The following LARGE1 variants were observed in gnomAD, a reference collection of about 807,000 sequenced individuals.
LARGE1 encodes the protein LARGE xylosyl- and glucuronyltransferase 1, also known as xylosyl- and glucuronyltransferase LARGE1.
In LARGE1, 43 loss-of-function variants were observed where a neutral mutation model predicts 87.6. That is an observed-to-expected ratio of 0.49 (90% CI 0.38 to 0.63). The LOEUF (loss-of-function observed/expected upper bound fraction) is 0.63, where lower values mean the gene tolerates loss of function less well. Ranked by LOEUF, LARGE1 falls within the 30% of genes least tolerant of loss-of-function variation. The pLI, the probability that LARGE1 is intolerant of heterozygous loss-of-function variation, is 0.00. For synonymous variants in LARGE1, 434 were observed against 394.6 expected, an observed-to-expected ratio of 1.10 and a Z score of -1.18; for missense variants, 802 against 1,000.2, an observed-to-expected ratio of 0.80 and a Z score of 2.67.
chr22:33,466,520 T>C (rs2068616145), intron 6 of LARGE1, among the ~76,000 whole-genome samples: 3 of 152,246 alleles, frequency 2.0e-5, no homozygotes, highest in South Asian at 4.1e-4. Flanking sequence ...TGCATTAAAT[T>C]TGAAGATATT....
At chr22:33,778,146 G>C (rs377504312) in intron 1 of LARGE1, among the ~76,000 whole-genome samples, 4 of 152,194 alleles carry the variant, frequency 2.6e-5, no homozygotes, top group South Asian at 2.1e-4. Context: ...GGAAACATGA[G>C]TTTCCTCAGG....
At chr22:33,234,173 C>G (rs1602127571) in intron 11 of LARGE1, among the ~76,000 whole-genome samples, 1 of 152,232 alleles carries the variant, frequency 6.6e-6, no homozygotes, top group African/African-American at 2.4e-5. Context: ...GCAAATGAAG[C>G]CTTCATCTCA....
Position 33,831,760 on chromosome 22 carries a change from AC to A in LARGE1, c.-82-70203del, listed in dbSNP as rs1158865875. ...CACACACATGCATGTACACACACAC[AC>A]ACACACACACACACACACACACATA... On this transcript the variant is annotated intron_variant, in intron 1 of 14. Coordinates refer to ENST00000397394, the MANE Select transcript of LARGE1 (RefSeq NM_133642.5). 4.6e-5 allele frequency among the ~76,000 whole-genome samples: 7 copies of A among 151,158 alleles called. No individual in the cohort carries two copies. In the South Asian group the frequency reaches 1.3e-3, roughly 27 times the overall value.
At chr22:33,693,117 G>A (rs1250036876) in intron 2 of LARGE1, among the ~76,000 whole-genome samples, 1 of 152,158 alleles carries the variant, frequency 6.6e-6, no homozygotes, top group Non-Finnish European at 1.5e-5. Context: ...GGAGCTGGAG[G>A]CCACTATCCT....
chr22:33,531,247 TC>T (rs1348281121), intron 6 of LARGE1, among the ~76,000 whole-genome samples: 7 of 152,186 alleles, frequency 4.6e-5, no homozygotes, highest in African/African-American at 1.7e-4. Context: ...AACCTCCTCC[TC>T]CTGGGTTCAA....
the LARGE1 span, among the ~76,000 whole-genome samples, chr22:33,088,397 C>A: frequency 6.6e-6 from 1 of 152,164 alleles, no homozygotes; most frequent in Non-Finnish European, 1.5e-5. Context: ...TAATACTCCA[C>A]ATATTTGCTG....
chr22:33,122,665 GT>G, the LARGE1 span, among the ~76,000 whole-genome samples: 5 of 151,966 alleles, frequency 3.3e-5, no homozygotes, highest in African/African-American at 1.2e-4. Flanking sequence ...AGCCTGTTTT[GT>G]TTTTTTCTAT....
chr22:33,369,727 C>A (rs897413196), intron 9 of LARGE1, among the ~76,000 whole-genome samples: 4 of 152,088 alleles, frequency 2.6e-5, no homozygotes, highest in African/African-American at 7.2e-5. Flanking sequence ...CATCACCACA[C>A]CCGGCTAATT....
At chr22:33,373,183 C>G (rs1029688129) in intron 9 of LARGE1, among the ~76,000 whole-genome samples, 2 of 152,072 alleles carry the variant, frequency 1.3e-5, no homozygotes, top group Non-Finnish European at 2.9e-5. Context: ...TATTTATAAG[C>G]CTTCCTAAAG....
At chr22:33,544,923 T>C (rs1029713298) in intron 6 of LARGE1, among the ~76,000 whole-genome samples, 1 of 151,964 alleles carries the variant, frequency 6.6e-6, no homozygotes. Context: ...AAAAACCAAC[T>C]GAAACAAGCA....
chr22:33,721,207 G>A (rs2083086781), intron 2 of LARGE1, among the ~76,000 whole-genome samples: 1 of 152,188 alleles, frequency 6.6e-6, no homozygotes, highest in Admixed American at 6.5e-5. Context: ...GAGGAGAAGA[G>A]GACTGAACTT....
At chr22:33,416,482 A>G (rs2066487840) in intron 7 of LARGE1, among the ~76,000 whole-genome samples, 1 of 151,476 alleles carries the variant, frequency 6.6e-6, no homozygotes, top group Non-Finnish European at 1.5e-5. Context: ...TGCAGGCCAC[A>G]TTGCATTTCA....
intron 6 of LARGE1, among the ~76,000 whole-genome samples, chr22:33,502,223 T>C (rs1387769579): frequency 6.8e-6 from 1 of 147,278 alleles, no homozygotes; most frequent in Admixed American, 6.8e-5. Flanking sequence ...TGTAGGAACC[T>C]ATCTGGACAG....
At chr22:33,313,272 T>C (rs1935802129) in intron 11 of LARGE1, among the ~76,000 whole-genome samples, 1 of 152,172 alleles carries the variant, frequency 6.6e-6, no homozygotes, top group Admixed American at 6.5e-5. Context: ...CTGTGCCTTC[T>C]ACTCTCAGTC....
chr22:33,151,857 C>G, the LARGE1 span, among the ~76,000 whole-genome samples: 1 of 151,280 alleles, frequency 6.6e-6, no homozygotes, highest in East Asian at 1.9e-4. Flanking sequence ...ATATTTGCAT[C>G]TAGTTCATGA....
At chr22:33,566,483 G>A (rs1329339372) in intron 5 of LARGE1, among the ~76,000 whole-genome samples, 2 of 152,190 alleles carry the variant, frequency 1.3e-5, no homozygotes, top group African/African-American at 4.8e-5. Flanking sequence ...TCCTTCCGGG[G>A]GGTTCTTGGT....
chr22:33,551,849 C>T (rs192363947), intron 6 of LARGE1, among the ~76,000 whole-genome samples: 61 of 152,014 alleles, frequency 4.0e-4, no homozygotes, highest in Non-Finnish European at 6.8e-4. Context: ...AAAAATTTAG[C>T]CGGGCGTGAT....
At chr22:33,238,094 A>C (rs1411611617) in intron 11 of LARGE1, among the ~76,000 whole-genome samples, 1 of 152,220 alleles carries the variant, frequency 6.6e-6, no homozygotes, top group African/African-American at 2.4e-5. Context: ...TGGTTACAAT[A>C]ATAATAAATT....
intron 6 of LARGE1, among the ~76,000 whole-genome samples, chr22:33,514,312 GCA>G (rs971869782): frequency 2.7e-5 from 4 of 150,914 alleles, no homozygotes; most frequent in South Asian, 2.1e-4. Flanking sequence ...ACACGATGAT[GCA>G]CAGTTATGCC....
Sources: gnomAD v4.1 joint callset for allele counts (sites outside exome capture counted in the v4.1 genomes callset) on GRCh38, gnomAD v4.1.1 for gene constraint, MANE v1.5 for transcripts, NCBI Gene and HGNC (gene_info 2026-07-23, HGNC 2026-07-21) for gene names.